RNGTT: variants seen among roughly 807,000 people sequenced by gnomAD.
RNGTT encodes the protein mRNA-capping enzyme.
Under a neutral mutation model 79.3 loss-of-function variants are expected in RNGTT, and 33 were observed. The observed-to-expected ratio is 0.42, with a 90% CI of 0.32 to 0.56. The LOEUF is 0.56. RNGTT is among the 20% of genes least tolerant of loss of function. RNGTT has a pLI of 0.17. For synonymous variants in RNGTT, 222 were observed against 235.9 expected (o/e 0.94, Z 0.54); for missense variants, 497 against 739.1 (o/e 0.67, Z 3.80).
intron 14 of RNGTT, among the ~76,000 whole-genome samples, chr6:88,677,843 A>T (rs1355510942): frequency 6.6e-6 from 1 of 152,146 alleles, no homozygotes; most frequent in African/African-American, 2.4e-5. Flanking sequence ...ACTCTTCTAA[A>T]TGAATCACTG....
intron 2 of RNGTT, among the ~76,000 whole-genome samples, chr6:88,939,246 T>G (rs960705752): frequency 1.3e-5 from 2 of 152,198 alleles, no homozygotes; most frequent in African/African-American, 4.8e-5. Flanking sequence ...ATTTGAATAT[T>G]TGGCCACTTT....
At chr6:88,733,101 G>C (rs1777167068) in intron 13 of RNGTT, among the ~76,000 whole-genome samples, 1 of 152,182 alleles carries the variant, frequency 6.6e-6, no homozygotes, top group Admixed American at 6.5e-5. Flanking sequence ...GTTCACACCT[G>C]TAATCCCAGC....
chr6:88,839,483 T>A (rs1436316561), intron 11 of RNGTT, among the ~76,000 whole-genome samples: 1 of 152,054 alleles, frequency 6.6e-6, no homozygotes. Context: ...GTTGGGAGGA[T>A]TGTTTGAGTC....
chr6:88,640,629 CT>C (rs2127772985), intron 14 of RNGTT, among the ~76,000 whole-genome samples: 1 of 149,768 alleles, frequency 6.7e-6, no homozygotes, highest in East Asian at 2.0e-4. Flanking sequence ...GTCAATTTAA[CT>C]GCCCAGTAGG....
chr6:88,638,848 T>C (rs536748013), intron 14 of RNGTT, among the ~76,000 whole-genome samples: 1 of 152,108 alleles, frequency 6.6e-6, no homozygotes. Flanking sequence ...TGCCACACAA[T>C]AACTGTTTTC....
chr6:88,823,664 T>C (rs1780567345), intron 11 of RNGTT, among the ~76,000 whole-genome samples: 1 of 152,154 alleles, frequency 6.6e-6, no homozygotes, highest in African/African-American at 2.4e-5. Context: ...AATGGATGGA[T>C]AGAGAAATAG....
intron 13 of RNGTT, among the ~76,000 whole-genome samples, chr6:88,712,979 T>C (rs1410859237): frequency 1.3e-5 from 2 of 152,188 alleles, no homozygotes; most frequent in Non-Finnish European, 2.9e-5. Context: ...GAGATGAATC[T>C]AGAATTCAGG....
chr6:88,814,592 T>A (rs1009136411), intron 11 of RNGTT, among the ~76,000 whole-genome samples: 4 of 152,198 alleles, frequency 2.6e-5, no homozygotes, highest in Non-Finnish European at 5.9e-5. Flanking sequence ...AGATTGCAGC[T>A]GACAAGAAAT....
At chr6:88,799,387 C>T (rs1050128146) in intron 12 of RNGTT, among the ~76,000 whole-genome samples, 3 of 152,046 alleles carry the variant, frequency 2.0e-5, no homozygotes, top group African/African-American at 7.2e-5. Flanking sequence ...ATATCAATTA[C>T]AAAGTCATTG....
chr6:88,753,364 G>A (rs887200508), intron 13 of RNGTT, among the ~76,000 whole-genome samples: 6 of 151,838 alleles, frequency 4.0e-5, no homozygotes, highest in Non-Finnish European at 8.8e-5. Context: ...TTAGCCATGT[G>A]TGGTGGCATG....
chr6:88,767,735 G>A (rs1460980508), intron 13 of RNGTT, among the ~76,000 whole-genome samples: 1 of 142,846 alleles, frequency 7.0e-6, no homozygotes, highest in African/African-American at 2.6e-5. Flanking sequence ...TAGTTTCTTA[G>A]CCTCAATTTT....
At chr6:88,814,659 A>G (rs973487796) in intron 11 of RNGTT, among the ~76,000 whole-genome samples, 45 of 152,188 alleles carry the variant, frequency 3.0e-4, no homozygotes, top group Non-Finnish European at 1.9e-4. Context: ...TTAGAAGAAT[A>G]GTAAGTACTT....
At chr6:88,631,593 T>C (rs984769824) in intron 14 of RNGTT, among the ~76,000 whole-genome samples, 1 of 152,202 alleles carries the variant, frequency 6.6e-6, no homozygotes, top group African/African-American at 2.4e-5. Context: ...GTAGCCCATA[T>C]GATGGTGGCC....
At chr6:88,877,434 G>A (rs1470749543) in intron 8 of RNGTT, among the ~76,000 whole-genome samples, 2 of 152,112 alleles carry the variant, frequency 1.3e-5, no homozygotes, top group African/African-American at 4.8e-5. Flanking sequence ...CAAGTAATCG[G>A]GGTGCTTTTC....
chr6:88,891,930 T>A lies in RNGTT; in HGVS notation c.685-15A>T, dbSNP rs771566162. On this transcript the variant is annotated splice_polypyrimidine_tract_variant and intron_variant, in intron 6 of 15. Coordinates refer to ENST00000369485, the MANE Select transcript of RNGTT (RefSeq NM_003800.5). Reference sequence around the variant, plus strand: ...AAAATAGCGCCCTTTAAAAAAAAAATAAGAAAAATAAGGGAAAGAAAAATA... The same window carrying A: ...AAAATAGCGCCCTTTAAAAAAAAAAAAAGAAAAATAAGGGAAAGAAAAATA... 1.9e-4 allele frequency: 275 copies of A among 1,440,382 alleles called. No homozygotes were observed. Among genetic ancestry groups the A allele is most frequent in the Non-Finnish European group, 2.3e-4 (240 of 1,064,518 alleles). The allele number at this position is 1,440,382 out of a possible 1,614,324, so 89.2% of individuals were successfully genotyped here.
At chr6:88,881,061 A>T (rs1003968775) in intron 8 of RNGTT, among the ~76,000 whole-genome samples, 3 of 152,218 alleles carry the variant, frequency 2.0e-5, no homozygotes, top group African/African-American at 7.2e-5. Context: ...TCCTGGGGAA[A>T]GCCATGAAAA....
chr6:88,840,744 C>T (rs543323322), intron 11 of RNGTT, among the ~76,000 whole-genome samples: 2 of 152,240 alleles, frequency 1.3e-5, no homozygotes, highest in South Asian at 2.1e-4. Context: ...TAAGGAATTA[C>T]ATAAGCTAAG....
chr6:88,711,642 G>A (rs1424962474), intron 13 of RNGTT, among the ~76,000 whole-genome samples: 3 of 152,056 alleles, frequency 2.0e-5, no homozygotes, highest in Non-Finnish European at 2.9e-5. Context: ...GCATGTTCAC[G>A]CCCACTTGCA....
intron 13 of RNGTT, among the ~76,000 whole-genome samples, chr6:88,767,670 A>G (rs1778505840): frequency 8.1e-6 from 1 of 123,296 alleles, no homozygotes; most frequent in African/African-American, 3.2e-5. Flanking sequence ...AACTATATTC[A>G]CTTGTGTCAA....
Sources: allele counts gnomAD v4.1 joint callset (sites outside exome capture counted in the v4.1 genomes callset), GRCh38; gene constraint gnomAD v4.1.1; transcripts MANE v1.5; gene names NCBI Gene and HGNC (gene_info 2026-07-23, HGNC 2026-07-21).